The following PRH1 variants were observed in gnomAD, a reference collection of about 807,000 sequenced individuals.
PRH1 encodes the protein salivary acidic proline-rich phosphoprotein 1/2.
Under a neutral mutation model 7.9 loss-of-function variants are expected in PRH1, and 7 were observed. That is an observed-to-expected ratio of 0.89 (90% CI 0.50 to 1.67). The LOEUF (loss-of-function observed/expected upper bound fraction) is 1.67. Ranked by LOEUF, PRH1 falls within the 40% of genes most tolerant of loss-of-function variation. The probability of loss-of-function intolerance (pLI) is 0.00; values close to 1 mark genes in which losing one functional copy is unlikely to be tolerated. For missense variants in PRH1, 109 were observed against 223.6 expected (o/e 0.49, Z 3.27); for synonymous variants, 45 against 80.8 (o/e 0.56, Z 2.38).
At chr12:11,168,524 G>A (rs1287992133) in intron 1 of PRH1, among the ~76,000 whole-genome samples, 1 of 152,002 alleles carries the variant, frequency 6.6e-6, no homozygotes, top group Non-Finnish European at 1.5e-5. Flanking sequence ...ATACAAAAAA[G>A]TTTTCGTCAA....
intron 1 of PRH1, among the ~76,000 whole-genome samples, chr12:11,102,189 C>G (rs904559783): frequency 3.3e-5 from 5 of 151,142 alleles, no homozygotes; most frequent in African/African-American, 1.2e-4. Flanking sequence ...TGGAAAAAAA[C>G]TACTTTAAAG....
chr12:10,977,240 A>G (rs1426531844), intron 1 of PRH1, among the ~76,000 whole-genome samples: 1 of 152,146 alleles, frequency 6.6e-6, no homozygotes, highest in East Asian at 1.9e-4. Context: ...CTTTATCACT[A>G]ACATACAAGG....
chr12:11,092,025 T>C (rs1415491814), intron 1 of PRH1: 4 of 1,488,160 alleles, frequency 2.7e-6, no homozygotes, highest in South Asian at 1.1e-5. Context: ...TTCAACACAG[T>C]TGAATACCAG....
intron 1 of PRH1, among the ~76,000 whole-genome samples, chr12:11,030,122 T>C (rs1202433571): frequency 1.3e-5 from 2 of 152,266 alleles, no homozygotes; most frequent in Non-Finnish European, 2.9e-5. Flanking sequence ...GGCTTCAAAA[T>C]TCTAAGAAAT....
At chr12:11,059,967 C>G (rs1943517019) in intron 1 of PRH1, among the ~76,000 whole-genome samples, 1 of 151,930 alleles carries the variant, frequency 6.6e-6, no homozygotes, top group Admixed American at 6.6e-5. Flanking sequence ...GATCATCTTG[C>G]TCTCTGATCT....
intron 1 of PRH1, among the ~76,000 whole-genome samples, chr12:11,010,079 C>T (rs1255033161): frequency 6.6e-6 from 1 of 151,868 alleles, no homozygotes; most frequent in Non-Finnish European, 1.5e-5. Flanking sequence ...TTTCTTATAG[C>T]CTTCAATGGA....
chr12:10,931,109 G>A (rs911370783), intron 2 of PRH1: 60 of 1,573,696 alleles, frequency 3.8e-5, no homozygotes, highest in Non-Finnish European at 4.8e-5. Context: ...ATCCATCAAA[G>A]GCTCCAACTG....
chr12:11,148,433 A>C (rs1325219717), intron 1 of PRH1, among the ~76,000 whole-genome samples: 1,470 of 109,434 alleles, frequency 0.013, no homozygotes, highest in Non-Finnish European at 0.015. Flanking sequence ...TCTGTCATAG[A>C]TAGCTCTTAT....
intron 1 of PRH1, among the ~76,000 whole-genome samples, chr12:11,145,067 T>C (rs1236503377): frequency 1.3e-5 from 2 of 152,236 alleles, no homozygotes; most frequent in African/African-American, 4.8e-5. Context: ...ATCCACATGC[T>C]GGTCTGTCTA....
chr12:10,943,277 G>A (rs922402861), intron 2 of PRH1, among the ~76,000 whole-genome samples: 2 of 152,164 alleles, frequency 1.3e-5, no homozygotes, highest in Non-Finnish European at 2.9e-5. Context: ...CATTCTGACT[G>A]GTGTGAGATG....
At chr12:11,003,763 G>T (rs1047250098) in intron 1 of PRH1, among the ~76,000 whole-genome samples, 4 of 151,694 alleles carry the variant, frequency 2.6e-5, no homozygotes, top group African/African-American at 4.8e-5. Context: ...TGATTATATT[G>T]AATGTTTTTG....
intron 2 of PRH1, among the ~76,000 whole-genome samples, chr12:10,913,965 T>C (rs1949937422): frequency 6.6e-6 from 1 of 152,224 alleles, no homozygotes; most frequent in African/African-American, 2.4e-5. Flanking sequence ...TAGTACAGCA[T>C]AGACTAAGCT....
At chr12:11,038,308 T>C (rs1341383259) in intron 1 of PRH1, among the ~76,000 whole-genome samples, 5 of 152,248 alleles carry the variant, frequency 3.3e-5, no homozygotes, top group African/African-American at 7.2e-5. Context: ...TTACCACACA[T>C]TGGCAAGAAA....
At chr12:11,133,124 C>CAA (rs1555171862) in intron 1 of PRH1, 2 of 787,460 alleles carry the variant, frequency 2.5e-6, no homozygotes, top group African/African-American at 3.6e-5. Context: ...TTTTCATACA[C>CAA]ACACACACAC....
At chr12:11,056,060 C>A (rs1217943706) in intron 1 of PRH1, among the ~76,000 whole-genome samples, 1 of 152,210 alleles carries the variant, frequency 6.6e-6, no homozygotes, top group East Asian at 1.9e-4. Flanking sequence ...ATATTATTGT[C>A]CTATAATTTC....
intron 2 of PRH1, among the ~76,000 whole-genome samples, chr12:10,934,172 C>CT (rs1247082196): frequency 7.2e-5 from 11 of 152,258 alleles, no homozygotes; most frequent in East Asian, 1.9e-4. Flanking sequence ...TTATTTTACT[C>CT]TAAGTTATTT....
At chr12:10,964,982 C>G (rs965272591) in intron 2 of PRH1, 2 of 710,650 alleles carry the variant, frequency 2.8e-6, no homozygotes, top group Admixed American at 4.2e-5. Flanking sequence ...ACTCTTAATT[C>G]TCCTTTTTAA....
intron 2 of PRH1, among the ~76,000 whole-genome samples, chr12:10,893,875 ATATT>A (rs1250967689): frequency 3.3e-5 from 5 of 152,020 alleles, no homozygotes; most frequent in East Asian, 3.9e-4. Context: ...TTCATTTTAA[ATATT>A]TATTACTGTT....
intron 1 of PRH1, among the ~76,000 whole-genome samples, chr12:11,095,401 CAT>C (rs149080852): frequency 0.49 from 15,925 of 32,376 alleles, 5,787 homozygotes; most frequent in East Asian, 0.94. Context: ...TTGCCATTTG[CAT>C]ATGTCTTATC....
Sources: allele counts gnomAD v4.1 joint callset (sites outside exome capture counted in the v4.1 genomes callset), GRCh38; gene constraint gnomAD v4.1.1; transcripts MANE v1.5; gene names NCBI Gene and HGNC (gene_info 2026-07-23, HGNC 2026-07-21).